The following MTUS2 variants were observed in gnomAD, a reference collection of about 807,000 sequenced individuals.
MTUS2 encodes the protein microtubule associated scaffold protein 2, also known as microtubule-associated tumor suppressor candidate 2.
In MTUS2, 40 loss-of-function variants were observed where a neutral mutation model predicts 114.1. The observed-to-expected ratio is 0.35, with a 90% CI of 0.27 to 0.46. MTUS2 has a LOEUF of 0.46. MTUS2 is among the 20% of genes least tolerant of loss of function. The pLI is 1.00. For missense variants in MTUS2, 1,679 were observed against 1,705.4 expected, an observed-to-expected ratio of 0.98 and a Z score of 0.27; for synonymous variants, 688 against 672.0, an observed-to-expected ratio of 1.02 and a Z score of -0.37.
intron 8 of MTUS2, among the ~76,000 whole-genome samples, chr13:29,389,293 G>GTATATATGTATACACATA (rs1872880786): frequency 6.8e-6 from 1 of 146,604 alleles, no homozygotes; most frequent in Non-Finnish European, 1.5e-5. Context: ...ATACACATAT[G>GTATATATGTATACACATA]TGTGTATATG....
intron 5 of MTUS2, among the ~76,000 whole-genome samples, chr13:29,166,618 C>A (rs1422311707): frequency 2.6e-5 from 4 of 152,106 alleles, no homozygotes; most frequent in African/African-American, 7.2e-5. Context: ...TTTATTTGCC[C>A]TGGGAAGTCA....
intron 8 of MTUS2, among the ~76,000 whole-genome samples, chr13:29,419,871 A>ATGT (rs753513398): frequency 2.6e-5 from 4 of 152,216 alleles, no homozygotes; most frequent in Non-Finnish European, 5.9e-5. Flanking sequence ...CAACATCATT[A>ATGT]TGTTCATTAA....
intron 2 of MTUS2, among the ~76,000 whole-genome samples, chr13:29,007,649 G>A (rs551431787): frequency 6.6e-6 from 1 of 152,260 alleles, no homozygotes; most frequent in Admixed American, 6.5e-5. Context: ...CCTACTCAAC[G>A]TGAAGATGAC....
rs114112744 is a variant in MTUS2, at chr13:29,366,674, T to G, written c.3117+7201T>G. 4.5e-3 allele frequency among the ~76,000 whole-genome samples: 687 copies of G among 152,296 alleles called. 5 individuals carry two copies. Among genetic ancestry groups the G allele is most frequent in the African/African-American group, 0.015 (643 of 41,554 alleles). On this transcript the variant is annotated intron_variant, in intron 8 of 15. Coordinates refer to ENST00000612955, the MANE Select transcript of MTUS2 (RefSeq NM_001033602.4). ...AGATTATTCTCTTTGGGAAAAATCA[T>G]TTAAATAACAAACCTTTGTGGAGCA...
At chr13:28,873,420 T>C (rs1049307948) in intron 2 of MTUS2, among the ~76,000 whole-genome samples, 2 of 152,220 alleles carry the variant, frequency 1.3e-5, no homozygotes, top group Non-Finnish European at 1.5e-5. Context: ...CAAGTCCTCT[T>C]GTAAAGGGTG....
At chr13:28,828,241 A>C (rs9550403) in intron 1 of MTUS2, among the ~76,000 whole-genome samples, 37,238 of 152,170 alleles carry the variant, frequency 0.24, 5,295 homozygotes, top group East Asian at 0.39. Flanking sequence ...TGCCAAGCCC[A>C]CAGGCAGCCA....
intron 9 of MTUS2, among the ~76,000 whole-genome samples, chr13:29,461,633 G>A (rs17073450): frequency 0.022 from 3,283 of 152,282 alleles, 108 homozygotes; most frequent in African/African-American, 0.071. Flanking sequence ...GCATGGAGTT[G>A]TGTGTAGACC....
intron 3 of MTUS2, among the ~76,000 whole-genome samples, chr13:29,032,175 T>G (rs1426003503): frequency 1.3e-5 from 2 of 152,040 alleles, no homozygotes; most frequent in African/African-American, 4.8e-5. Context: ...AGACTAGACA[T>G]CAAAGGCGCA....
intron 2 of MTUS2, among the ~76,000 whole-genome samples, chr13:28,870,061 A>G (rs1054902097): frequency 2.0e-5 from 3 of 152,214 alleles, no homozygotes; most frequent in African/African-American, 7.2e-5. Flanking sequence ...TATCATGTAT[A>G]GTGATCAGAT....
At chr13:29,352,410 G>A (rs1343166423) in intron 7 of MTUS2, among the ~76,000 whole-genome samples, 1 of 152,142 alleles carries the variant, frequency 6.6e-6, no homozygotes, top group South Asian at 2.1e-4. Flanking sequence ...TGATAAAATG[G>A]CAGCCAAATA....
At chr13:29,363,225 G>T (rs1870417241) in intron 8 of MTUS2, among the ~76,000 whole-genome samples, 1 of 152,136 alleles carries the variant, frequency 6.6e-6, no homozygotes, top group Admixed American at 6.5e-5. Context: ...CCACAGGATG[G>T]TCCTCACCCT....
chr13:29,164,745 A>C (rs1893243635), intron 5 of MTUS2, among the ~76,000 whole-genome samples: 1 of 152,238 alleles, frequency 6.6e-6, no homozygotes, highest in Non-Finnish European at 1.5e-5. Context: ...TTCTGATACC[A>C]CAAATAATTA....
chr13:29,206,318 G>A (rs1327234528), intron 5 of MTUS2, among the ~76,000 whole-genome samples: 1 of 152,170 alleles, frequency 6.6e-6, no homozygotes, highest in Non-Finnish European at 1.5e-5. Context: ...TCCTTTGTCA[G>A]ATGCATAGTT....
intron 9 of MTUS2, among the ~76,000 whole-genome samples, chr13:29,464,341 A>C (rs1879737898): frequency 6.6e-6 from 1 of 152,262 alleles, no homozygotes; most frequent in South Asian, 2.1e-4. Context: ...AAGTGTGAAC[A>C]AACAGTTCTA....
At chr13:29,226,716 T>G (rs1428879247) in intron 5 of MTUS2, among the ~76,000 whole-genome samples, 2 of 152,150 alleles carry the variant, frequency 1.3e-5, no homozygotes, top group Non-Finnish European at 2.9e-5. Flanking sequence ...AATATTAAAA[T>G]TTTTACTGAG....
intron 7 of MTUS2, 112 bp from the exon 8 acceptor site, chr13:29,359,150 G>C: frequency 9.9e-7 from 1 of 1,006,950 alleles, no homozygotes; most frequent in African/African-American, 1.6e-5. Context: ...ACAAACCGTG[G>C]GCAATTTCTT....
At chr13:29,234,868 T>A (rs1896473305) in intron 5 of MTUS2, among the ~76,000 whole-genome samples, 1 of 152,126 alleles carries the variant, frequency 6.6e-6, no homozygotes, top group Non-Finnish European at 1.5e-5. Flanking sequence ...ACTTTTTTTT[T>A]ATTAGTCTCT....
In MTUS2 at chr13:29,052,176, C is replaced by CT. The variant is rs1887927424; in HGVS notation, c.2446+18057dup. On this transcript the variant is annotated intron_variant, in intron 4 of 15. Coordinates refer to ENST00000612955, the MANE Select transcript of MTUS2 (RefSeq NM_001033602.4). ...GTCATTTTGCAGTCCTTTTGCTCAG[C>CT]TTTTTTCTTAGAAAATCAAAACAGG... 2.0e-5 allele frequency among the ~76,000 whole-genome samples: 3 copies of CT among 152,140 alleles called. No homozygotes were observed. In the South Asian group the frequency reaches 6.2e-4, roughly 31 times the overall value.
chr13:29,022,093 A>G (rs1465916996), intron 2 of MTUS2, among the ~76,000 whole-genome samples: 1 of 152,202 alleles, frequency 6.6e-6, no homozygotes, highest in Admixed American at 6.5e-5. Flanking sequence ...ATGATCATGC[A>G]AACATGGGGA....
Sources: gnomAD v4.1 joint callset for allele counts (sites outside exome capture counted in the v4.1 genomes callset) on GRCh38, gnomAD v4.1.1 for gene constraint, MANE v1.5 for transcripts, NCBI Gene and HGNC (gene_info 2026-07-23, HGNC 2026-07-21) for gene names.